Variants in SAMTOR observed in about 807,000 individuals in gnomAD.
The protein encoded by SAMTOR is UPF0532 protein C7orf60.
At chr7:112,837,202 T>C in the SAMTOR span, among the ~76,000 whole-genome samples, 5 of 152,092 alleles carry the variant, frequency 3.3e-5, no homozygotes, top group Non-Finnish European at 7.4e-5. Flanking sequence ...GTGGCAATTG[T>C]GGATGGGGTT....
the SAMTOR span, among the ~76,000 whole-genome samples, chr7:112,920,152 AG>A: frequency 6.6e-6 from 1 of 152,222 alleles, no homozygotes; most frequent in East Asian, 1.9e-4. Context: ...ACCAAAAAAG[AG>A]AATTTTAGAC....
chr7:112,919,065 C>T, the SAMTOR span, among the ~76,000 whole-genome samples: 1 of 152,136 alleles, frequency 6.6e-6, no homozygotes, highest in African/African-American at 2.4e-5. Context: ...CAAAGGTATC[C>T]AGGAACTGAA....
chr7:112,896,210 T>C, the SAMTOR span, among the ~76,000 whole-genome samples: 14 of 151,814 alleles, frequency 9.2e-5, no homozygotes, highest in African/African-American at 1.9e-4. Flanking sequence ...CGCACGCGCG[T>C]GTGTGTGTTT....
At chr7:112,914,039 A>G in the SAMTOR span, among the ~76,000 whole-genome samples, 1,348 of 152,310 alleles carry the variant, frequency 8.9e-3, 17 homozygotes, top group African/African-American at 0.03. Context: ...ACTGGTACAA[A>G]GTAGACAATC....
chr7:112,896,667 CA>C, the SAMTOR span, among the ~76,000 whole-genome samples: 1 of 152,140 alleles, frequency 6.6e-6, no homozygotes, highest in African/African-American at 2.4e-5. Flanking sequence ...TTGCAGAAGG[CA>C]TAGTTGTTAC....
the SAMTOR span, among the ~76,000 whole-genome samples, chr7:112,877,633 T>C: frequency 6.6e-6 from 1 of 152,158 alleles, no homozygotes; most frequent in Non-Finnish European, 1.5e-5. Flanking sequence ...ATGGCTGGTA[T>C]AGTTTGGATA....
the SAMTOR span, chr7:112,832,679 A>T: frequency 4.0e-6 from 6 of 1,507,242 alleles, no homozygotes; most frequent in African/African-American, 6.9e-5. Context: ...TAGCAACCTA[A>T]AAACAGATAT....
chr7:112,839,281 G>C, the SAMTOR span, among the ~76,000 whole-genome samples: 4 of 151,812 alleles, frequency 2.6e-5, no homozygotes, highest in Non-Finnish European at 4.4e-5. Flanking sequence ...AAATAAGAAA[G>C]GGGGAGAAAG....
the SAMTOR span, among the ~76,000 whole-genome samples, chr7:112,896,192 T>TGCGCGCGC: frequency 3.3e-5 from 5 of 152,004 alleles, 1 homozygote; most frequent in East Asian, 7.8e-4. Context: ...TGAGTGTGCG[T>TGCGCGCGC]GCACGCGCGC....
the SAMTOR span, among the ~76,000 whole-genome samples, chr7:112,908,875 G>A: frequency 6.6e-6 from 1 of 152,126 alleles, no homozygotes; most frequent in Non-Finnish European, 1.5e-5. Context: ...AGTTCCCTTT[G>A]AAATAACGAG....
At chr7:112,879,779 G>A in the SAMTOR span, among the ~76,000 whole-genome samples, 2 of 152,100 alleles carry the variant, frequency 1.3e-5, no homozygotes, top group Non-Finnish European at 2.9e-5. Context: ...CCCATAAAAT[G>A]AGTAATATTC....
At chr7:112,890,900 G>C in the SAMTOR span, among the ~76,000 whole-genome samples, 2 of 151,962 alleles carry the variant, frequency 1.3e-5, no homozygotes, top group Non-Finnish European at 2.9e-5. Context: ...ATGTTGTCCA[G>C]GCTGGTCCTG....
the SAMTOR span, among the ~76,000 whole-genome samples, chr7:112,896,429 C>T: frequency 6.6e-6 from 1 of 152,178 alleles, no homozygotes; most frequent in Non-Finnish European, 1.5e-5. Flanking sequence ...AAACTGGTTT[C>T]AGCAAGTACA....
the SAMTOR span, among the ~76,000 whole-genome samples, chr7:112,890,839 TGCCA>T: frequency 6.6e-6 from 1 of 151,960 alleles, no homozygotes; most frequent in Non-Finnish European, 1.5e-5. Flanking sequence ...CACAGGCACA[TGCCA>T]CTACACCTGG....
the SAMTOR span, among the ~76,000 whole-genome samples, chr7:112,841,378 T>C: frequency 5.3e-4 from 80 of 152,152 alleles, 3 homozygotes; most frequent in East Asian, 0.012. Context: ...TTACAAGGGA[T>C]GTGAAGGACC....
the SAMTOR span, among the ~76,000 whole-genome samples, chr7:112,829,586 G>A: frequency 6.1e-3 from 934 of 152,184 alleles, 4 homozygotes; most frequent in Middle Eastern, 0.034. Flanking sequence ...TTGGATGCTA[G>A]ACATGGTGAA....
the SAMTOR span, among the ~76,000 whole-genome samples, chr7:112,922,368 C>T: frequency 6.6e-6 from 1 of 152,216 alleles, no homozygotes; most frequent in Non-Finnish European, 1.5e-5. Flanking sequence ...AGCCTCTGCC[C>T]AGCCGCCACC....
chr7:112,931,794 T>C, the SAMTOR span, among the ~76,000 whole-genome samples: 2 of 152,228 alleles, frequency 1.3e-5, no homozygotes, highest in Non-Finnish European at 2.9e-5. Flanking sequence ...TAGGTCAGTA[T>C]AGTTTAGTGG....
At chr7:112,924,524 T>C in the SAMTOR span, among the ~76,000 whole-genome samples, 2 of 152,162 alleles carry the variant, frequency 1.3e-5, no homozygotes, top group African/African-American at 2.4e-5. Context: ...AAGATGACTA[T>C]ATATCAGTCT....
Sources: allele counts gnomAD v4.1 joint callset (sites outside exome capture counted in the v4.1 genomes callset), GRCh38; gene constraint gnomAD v4.1.1; transcripts MANE v1.5; gene names NCBI Gene and HGNC (gene_info 2026-07-23, HGNC 2026-07-21).